TPRG1: variants seen among roughly 807,000 people sequenced by gnomAD.
TPRG1 encodes tumor protein p63-regulated gene 1 protein.
TPRG1 carries 29 observed loss-of-function variants against 29.3 expected under a neutral mutation model. That is an observed-to-expected ratio of 0.99 (90% confidence interval 0.74 to 1.35). The LOEUF (loss-of-function observed/expected upper bound fraction) is 1.35, where lower values mean the gene tolerates loss of function less well. Among genes scored for constraint, TPRG1 ranks in the 40% most tolerant of loss-of-function variants. The pLI, the probability that TPRG1 is intolerant of heterozygous loss-of-function variation, is 0.00. For synonymous variants in TPRG1, 130 were observed against 116.8 expected, an observed-to-expected ratio of 1.11 and a Z score of -0.73; for missense variants, 327 against 335.0, an observed-to-expected ratio of 0.98 and a Z score of 0.19.
intron 3 of TPRG1, among the ~76,000 whole-genome samples, chr3:189,143,170 T>C (rs899634087): frequency 6.7e-6 from 1 of 149,020 alleles, no homozygotes; most frequent in Non-Finnish European, 1.5e-5. Flanking sequence ...CTTTTTTTTA[T>C]ATAGGATTTT....
chr3:189,306,800 A>C (rs1020483404), intron 4 of TPRG1, among the ~76,000 whole-genome samples: 1 of 151,824 alleles, frequency 6.6e-6, no homozygotes, highest in Non-Finnish European at 1.5e-5. Flanking sequence ...ACTTTTTATC[A>C]TCCGTTATCC....
rs535256441 is a variant in TPRG1, at chr3:189,321,085, C to A, written c.*265C>A. On this transcript the variant is annotated 3_prime_UTR_variant, in exon 6 of 6. Coordinates refer to ENST00000345063, the MANE Select transcript of TPRG1 (RefSeq NM_198485.4). ...TCAAATACTGTTATCAAATGAGTGCCTGATCATCAACTCAGGAAAGAAGAC... is the reference window on the plus strand; with the variant it reads ...TCAAATACTGTTATCAAATGAGTGCATGATCATCAACTCAGGAAAGAAGAC... 3 of 286,212 alleles carry A rather than the reference C, an allele frequency of 1.0e-5. No homozygotes were observed. In the East Asian group the frequency reaches 1.7e-4, roughly 17 times the overall value. 17.7% of individuals were successfully genotyped at this position (286,212 alleles called of 1,614,324 possible). A position where few individuals can be genotyped will look rare whatever the true frequency, so the allele number is the denominator to read the frequency against.
chr3:189,163,871 C>A (rs970807337), intron 5 of TPRG1, among the ~76,000 whole-genome samples: 2 of 151,968 alleles, frequency 1.3e-5, no homozygotes, highest in East Asian at 1.9e-4. Flanking sequence ...CCCTGAGGCA[C>A]GCTGGAAACC....
At chr3:189,038,407 T>C (rs1049412055) in intron 4 of TPRG1, among the ~76,000 whole-genome samples, 4 of 152,096 alleles carry the variant, frequency 2.6e-5, no homozygotes, top group Admixed American at 6.5e-5. Context: ...GGAGGAAAGA[T>C]AGGCTTTTTA....
intron 1 of TPRG1, among the ~76,000 whole-genome samples, chr3:189,110,312 T>G (rs980226103): frequency 2.0e-5 from 3 of 152,240 alleles, no homozygotes; most frequent in African/African-American, 7.2e-5. Flanking sequence ...AGTATCTCAT[T>G]GTGACTTTAA....
intron 4 of TPRG1, among the ~76,000 whole-genome samples, chr3:189,024,721 G>GAC (rs1190479042): frequency 1.3e-5 from 2 of 152,152 alleles, no homozygotes; most frequent in East Asian, 3.9e-4. Context: ...ATAGAATATA[G>GAC]GCAGAGGTGC....
At chr3:189,292,368 T>C (rs1719163287) in intron 4 of TPRG1, among the ~76,000 whole-genome samples, 1 of 151,596 alleles carries the variant, frequency 6.6e-6, no homozygotes, top group Non-Finnish European at 1.5e-5. Context: ...GTAAAAATAG[T>C]AATTACATTA....
chr3:189,112,840 G>A (rs948487550), intron 1 of TPRG1, among the ~76,000 whole-genome samples: 18 of 152,150 alleles, frequency 1.2e-4, no homozygotes, highest in African/African-American at 4.3e-4. Flanking sequence ...TTTGGCTTAG[G>A]TTTGACTTGG....
chr3:189,153,978 G>A (rs1011909361), intron 5 of TPRG1, among the ~76,000 whole-genome samples: 2 of 152,220 alleles, frequency 1.3e-5, no homozygotes, highest in Non-Finnish European at 2.9e-5. Flanking sequence ...CATCATTGCA[G>A]CCATTCTAAG....
rs188274752 is a variant in TPRG1 at position 189,056,766 on chromosome 3, C to T, written c.-463+32820C>T. On this transcript the variant is annotated intron_variant, in intron 4 of 10. Transcript: ENST00000433971. The stretch of plus-strand genomic sequence containing the variant: ...TGCAGACAGATGAACAGATTGAATC[C>T]ATGATACTGCAGCAGGGTGGGGTTT... Among the ~76,000 whole-genome samples, 12 of 152,242 alleles carry T rather than the reference C, an allele frequency of 7.9e-5. 1 individual carries two copies. The highest frequency in any genetic ancestry group is 5.9e-4 in the Admixed American group (9 of 15,298).
At chr3:189,010,321 AATG>A (rs1258628279) in intron 3 of TPRG1, among the ~76,000 whole-genome samples, 12 of 152,318 alleles carry the variant, frequency 7.9e-5, no homozygotes, top group African/African-American at 2.9e-4. Context: ...CACTGGGTTG[AATG>A]ATATTTCTGT....
At chr3:189,245,397 A>C (rs1741227016) in intron 4 of TPRG1, among the ~76,000 whole-genome samples, 2 of 152,016 alleles carry the variant, frequency 1.3e-5, no homozygotes, top group Admixed American at 6.5e-5. Flanking sequence ...AGATTTTGAT[A>C]TGTTGTGTGT....
intron 1 of TPRG1, among the ~76,000 whole-genome samples, chr3:189,201,273 A>G (rs1394234692): frequency 1.1e-4 from 17 of 152,242 alleles, no homozygotes; most frequent in Admixed American, 1.1e-3. Context: ...AAGGGTTCAC[A>G]GAGATAGCAA....
intron 4 of TPRG1, among the ~76,000 whole-genome samples, chr3:189,294,803 T>C (rs79252335): frequency 0.096 from 14,351 of 150,148 alleles, 854 homozygotes; most frequent in East Asian, 0.2. Context: ...CCCTTACAGT[T>C]ACACACACAC....
chr3:189,093,534 C>T (rs1011937458), intron 4 of TPRG1, among the ~76,000 whole-genome samples: 5 of 152,042 alleles, frequency 3.3e-5, no homozygotes, highest in African/African-American at 9.7e-5. Flanking sequence ...TGTGGGCTCG[C>T]GGGGATTTTA....
At chr3:189,259,125 G>A (rs922399074) in intron 4 of TPRG1, among the ~76,000 whole-genome samples, 1 of 152,188 alleles carries the variant, frequency 6.6e-6, no homozygotes, top group Admixed American at 6.5e-5. Context: ...GGCTCTGGTG[G>A]TGTAGGCACC....
At chr3:189,253,125 C>T (rs56282011) in intron 4 of TPRG1, among the ~76,000 whole-genome samples, 10,433 of 152,006 alleles carry the variant, frequency 0.069, 853 homozygotes, top group African/African-American at 0.2. Context: ...ATACATGTAC[C>T]GTGGTGGTTT....
At chr3:189,269,607 A>G (rs775282664) in intron 4 of TPRG1, among the ~76,000 whole-genome samples, 10 of 152,042 alleles carry the variant, frequency 6.6e-5, no homozygotes, top group Non-Finnish European at 1.5e-4. Context: ...TCATTGCAGA[A>G]AAAAAAACCC....
intron 4 of TPRG1, among the ~76,000 whole-genome samples, chr3:189,293,012 ACT>A (rs1719276705): frequency 6.6e-6 from 1 of 152,032 alleles, no homozygotes; most frequent in Non-Finnish European, 1.5e-5. Flanking sequence ...TGTTTGGATC[ACT>A]CTGCTTAATA....
Sources: allele counts gnomAD v4.1 joint callset (sites outside exome capture counted in the v4.1 genomes callset), GRCh38; gene constraint gnomAD v4.1.1; transcripts MANE v1.5; gene names NCBI Gene and HGNC (gene_info 2026-07-23, HGNC 2026-07-21).